XPO1: variants seen among roughly 807,000 people sequenced by gnomAD.
XPO1 encodes exportin 1.
Under a neutral mutation model 133.3 loss-of-function variants are expected in XPO1, and 5 were observed. That is an observed-to-expected ratio of 0.04 (90% CI 0.02 to 0.08). The LOEUF (loss-of-function observed/expected upper bound fraction) is 0.08. XPO1 is among the 10% of genes least tolerant of loss of function. The pLI is 1.00. For missense variants in XPO1, 506 were observed against 1,267.5 expected, an observed-to-expected ratio of 0.40 and a Z score of 9.12; for synonymous variants, 419 against 408.2, an observed-to-expected ratio of 1.03 and a Z score of -0.32.
chr2:61,519,380 C>A (rs1698570223), intron 4 of XPO1, among the ~76,000 whole-genome samples: 1 of 152,082 alleles, frequency 6.6e-6, no homozygotes, highest in Non-Finnish European at 1.5e-5. Context: ...ATACAAGAGG[C>A]CTAAATTGAA....
Position 61,492,208 on chromosome 2 carries a change from C to CA in XPO1, c.1724-11dup. On this transcript the variant is annotated splice_polypyrimidine_tract_variant and intron_variant, in intron 15 of 24. Coordinates refer to ENST00000401558, the MANE Select transcript of XPO1 (RefSeq NM_003400.4). The surrounding 1 kb of genome is among the most constrained non-coding windows in gnomAD (Gnocchi z 5.6). The stretch of plus-strand genomic sequence containing the variant: ...ACTCCATCATGGGTCTCTAACAAGA[C>CA]AAAAATATTCATTTATTTTGTCCTG... The CA allele has an allele frequency of 1.9e-6, 3 of 1,611,850 alleles. No individual in the cohort carries two copies. Among genetic ancestry groups the CA allele is most frequent in the Non-Finnish European group, 2.5e-6 (3 of 1,179,010 alleles).
intron 21 of XPO1, 168 bp downstream of exon 21, chr2:61,483,769 A>T: frequency 1.5e-6 from 1 of 685,554 alleles, no homozygotes; most frequent in East Asian, 3.0e-5. Context: ...ACTCACTTGG[A>T]GTGGAGTGGA....
At position 61,482,033 on chromosome 2, in the gene XPO1, C is replaced by CTTTTTTTTTTTTTTTTT. The variant is rs1491506588; in HGVS notation, c.2972+346_2972+347insAAAAAAAAAAAAAAAAA. Among the ~76,000 whole-genome samples the CTTTTTTTTTTTTTTTTT allele has an allele frequency of 3.1e-3, 273 of 86,806 alleles. 61 individuals carry two copies. Among genetic ancestry groups the CTTTTTTTTTTTTTTTTT allele is most frequent in the Middle Eastern group, 8.3e-3 (1 of 120 alleles). The allele number at this position is 86,806 out of a possible 152,430, so 56.9% of individuals were successfully genotyped here. A position where few individuals can be genotyped will look rare whatever the true frequency, so the allele number is the denominator to read the frequency against. On this transcript the variant is annotated intron_variant, in intron 23 of 24. Coordinates refer to ENST00000401558, the MANE Select transcript of XPO1 (RefSeq NM_003400.4). Reference sequence around the variant, plus strand: ...TACAGTCATGAGCCACCGTGCGTGGCCTTTTTTTTTTTTTTTTTTTTTTTG... The same window carrying CTTTTTTTTTTTTTTTTT: ...TACAGTCATGAGCCACCGTGCGTGGCTTTTTTTTTTTTTTTTTCTTTTTTTTTTTTTTTTTTTTTTTG...
chr2:61,491,969 T>A (rs1020508044), intron 16 of XPO1, 66 bp downstream of exon 16: 1 of 1,552,834 alleles, frequency 6.4e-7, no homozygotes, highest in Non-Finnish European at 8.7e-7. Flanking sequence ...CCTATTTCCA[T>A]TGATACATAC....
At chr2:61,500,097 C>T (rs1282291787) in intron 6 of XPO1, among the ~76,000 whole-genome samples, 1 of 152,190 alleles carries the variant, frequency 6.6e-6, no homozygotes, top group African/African-American at 2.4e-5. Flanking sequence ...ATCTTAATCA[C>T]CGCAGGACCC....
chr2:61,482,519 T>C lies in XPO1; in HGVS notation c.2833A>G (p.Ile945Val), dbSNP rs1433946988. Residue 945 changes from isoleucine (I) to valine (V), a missense_variant, in exon 23 of 25, where the codon ATT (isoleucine) becomes GTT (valine). Around this residue, in one of 6 missense-constraint regions of XPO1, gnomAD observed 203 missense variants for 365.9 expected, o/e 0.55. Coordinates refer to ENST00000401558, the MANE Select transcript of XPO1 (RefSeq NM_003400.4). Reference sequence around the variant, plus strand: ...ACCAAATTAAACATATATGCAAGAATTGATGCATGCATTGTTAAACCTGTT... The same window carrying C: ...ACCAAATTAAACATATATGCAAGAACTGATGCATGCATTGTTAAACCTGTT... ...HTAGLTMHAS[I>V]LAYMFNLVEE... 1 of 1,610,296 alleles carries C rather than the reference T, an allele frequency of 6.2e-7. No homozygotes were observed. Among genetic ancestry groups the C allele is most frequent in the Non-Finnish European group, 8.5e-7 (1 of 1,178,412 alleles).
intron 6 of XPO1, among the ~76,000 whole-genome samples, chr2:61,501,728 A>AAAAAAAAAAAAAAAAG (rs1558649299): frequency 2.2e-5 from 3 of 138,324 alleles, no homozygotes; most frequent in African/African-American, 8.2e-5. Context: ...CTCCAAAAAA[A>AAAAAAAAAAAAAAAAG]AAAAAAAAAG....
chr2:61,482,033 CCT>C (rs374574607), intron 23 of XPO1, among the ~76,000 whole-genome samples: 2,145 of 86,590 alleles, frequency 0.025, 248 homozygotes, highest in Middle Eastern at 0.058. Flanking sequence ...CCGTGCGTGG[CCT>C]TTTTTTTTTT....
intron 2 of XPO1, among the ~76,000 whole-genome samples, chr2:61,532,236 T>C (rs1699186390): frequency 6.6e-6 from 1 of 152,080 alleles, no homozygotes; most frequent in Non-Finnish European, 1.5e-5. Context: ...CACGCCATTC[T>C]CCTGCCTCAG....
chr2:61,503,858 G>C (rs893952557), intron 4 of XPO1, among the ~76,000 whole-genome samples: 2 of 152,156 alleles, frequency 1.3e-5, no homozygotes, highest in African/African-American at 4.8e-5. Context: ...TGAGCCACCA[G>C]GCCTGGCCCA....
At chr2:61,499,505 T>C (rs1274036224) in intron 7 of XPO1, among the ~76,000 whole-genome samples, 1 of 152,202 alleles carries the variant, frequency 6.6e-6, no homozygotes, top group Admixed American at 6.6e-5. Context: ...ATTCCTGAAG[T>C]GTGTCTTGAA....
intron 2 of XPO1, among the ~76,000 whole-genome samples, chr2:61,527,013 C>G (rs972858172): frequency 3.9e-5 from 6 of 152,006 alleles, no homozygotes; most frequent in African/African-American, 1.2e-4. Context: ...CAGCCAACTC[C>G]TAATCTTTAA....
chr2:61,532,934 T>C (rs1395722414), intron 2 of XPO1, among the ~76,000 whole-genome samples: 2 of 152,022 alleles, frequency 1.3e-5, no homozygotes, highest in Non-Finnish European at 2.9e-5. Flanking sequence ...TCCCAGCACT[T>C]TGGGAGGCCG....
rs1553410215 is a variant in XPO1, at chr2:61,507,249, A to AAAAAAAAG, written c.302-4940_302-4939insCTTTTTTT. On this transcript the variant is annotated intron_variant, in intron 4 of 24. Coordinates refer to ENST00000401558, the MANE Select transcript of XPO1 (RefSeq NM_003400.4). ...ACAGCGGGAGACTCCATCTCAAAAA[A>AAAAAAAAG]AAAAAAAAAAGAGTGAAGAAAACGA... Among the ~76,000 whole-genome samples the AAAAAAAAG allele has an allele frequency of 2.0e-5, 3 of 149,962 alleles. 1 individual carries two copies. The highest frequency in any genetic ancestry group is 7.3e-5 in the African/African-American group (3 of 40,838).
At chr2:61,506,875 A>AT (rs1553410047) in intron 4 of XPO1, among the ~76,000 whole-genome samples, 1 of 152,094 alleles carries the variant, frequency 6.6e-6, no homozygotes, top group Non-Finnish European at 1.5e-5. Context: ...AGACATTTAC[A>AT]TAACACATTT....
At chr2:61,517,925 G>A (rs994963203) in intron 4 of XPO1, among the ~76,000 whole-genome samples, 14 of 151,938 alleles carry the variant, frequency 9.2e-5, no homozygotes, top group Non-Finnish European at 1.9e-4. Context: ...TCAGGAGTTC[G>A]AGACCAGCCT....
intron 4 of XPO1, among the ~76,000 whole-genome samples, chr2:61,519,512 A>G (rs1231946915): frequency 6.6e-6 from 1 of 151,214 alleles, no homozygotes; most frequent in Non-Finnish European, 1.5e-5. Flanking sequence ...CCTGGCTAAC[A>G]TAGTGAAACC....
chr2:61,486,636 T>C (rs1231397867), intron 19 of XPO1, among the ~76,000 whole-genome samples: 1 of 152,082 alleles, frequency 6.6e-6, no homozygotes, highest in Non-Finnish European at 1.5e-5. Flanking sequence ...TTTATATTTT[T>C]AGTAGAGACG....
chr2:61,482,273 G>T, intron 23 of XPO1, 107 bp downstream of exon 23: 12 of 1,087,014 alleles, frequency 1.1e-5, no homozygotes, highest in Non-Finnish European at 1.5e-5. Flanking sequence ...CCAACTTTTG[G>T]GCCCAAGCAA....
Sources: gnomAD v4.1 joint callset for allele counts (sites outside exome capture counted in the v4.1 genomes callset) on GRCh38, gnomAD v4.1.1 for gene constraint, gnomAD v4.1.1 regional missense constraint, Gnocchi (gnomAD v3.1) non-coding constraint, MANE v1.5 for transcripts, NCBI Gene and HGNC (gene_info 2026-07-23, HGNC 2026-07-21) for gene names.